PRPF40B: variants seen among roughly 807,000 people sequenced by gnomAD.
PRPF40B encodes pre-mRNA-processing factor 40 homolog B.
PRPF40B carries 56 observed loss-of-function variants against 124.5 expected under a neutral mutation model. The observed-to-expected ratio is 0.45, with a 90% CI of 0.36 to 0.56. The LOEUF (loss-of-function observed/expected upper bound fraction) is 0.56, where lower values mean the gene tolerates loss of function less well. PRPF40B is among the 20% of genes least tolerant of loss of function. The probability of loss-of-function intolerance (pLI) is 0.00; values close to 1 mark genes in which losing one functional copy is unlikely to be tolerated. For synonymous variants in PRPF40B, 443 were observed against 426.4 expected (o/e 1.04, Z -0.48); for missense variants, 1,053 against 1,169.5 (o/e 0.90, Z 1.45).
intron 23 of PRPF40B, 21 bp downstream of exon 23, chr12:49,643,418 T>C: frequency 6.5e-7 from 1 of 1,535,156 alleles, no homozygotes; most frequent in South Asian, 1.3e-5. Context: ...GCTGTGAGCG[T>C]AGAAGCTGGA....
rs772263201 is a variant in PRPF40B at position 49,631,550 on chromosome 12, T to C, written c.228+6T>C. On this transcript the variant is annotated splice_donor_region_variant and intron_variant, in intron 3 of 25. Transcript: ENST00000548825. The surrounding 1 kb of genome is among the most constrained non-coding windows in gnomAD (Gnocchi z 4.3). ...CGCCACCACCACTCACACAGGTAAT[T>C]GTCTCTCCTCCCCTGGGGCCTCAGA... 6.5e-7 allele frequency: 1 copy of C among 1,550,320 alleles called. No homozygotes were observed. The highest frequency in any genetic ancestry group is 8.7e-7 in the Non-Finnish European group (1 of 1,154,438).
At position 49,642,654 on chromosome 12, in the gene PRPF40B, G is replaced by A. The variant is rs771402780; in HGVS notation, c.2097G>A (p.Arg699=). 1 of 1,614,028 alleles carries A rather than the reference G, an allele frequency of 6.2e-7. No homozygotes were observed. The highest frequency in any genetic ancestry group is 8.5e-7 in the Non-Finnish European group (1 of 1,180,010). The part of the protein sequence containing the change: ...TLESERIRLF[R]EFLQVLETEC... ...AGTCGGAGCGGATCCGGCTCTTCCG[G>A]GAGTTCCTACAGGTGCTGGAGGTGA... Residue 699 remains arginine (R), a synonymous_variant, in exon 21 of 26, where the codon CGG becomes CGA. Transcript: ENST00000548825. This position sits in a 1 kb window ranked among gnomAD's most constrained non-coding sequence, Gnocchi z 5.8.
chr12:49,641,848 C>T, intron 18 of PRPF40B, 60 bp from the exon 19 acceptor site: 2 of 1,426,050 alleles, frequency 1.4e-6, no homozygotes, highest in Non-Finnish European at 2.0e-6. Flanking sequence ...GACCACTCTG[C>T]CTGCCAGCTT....
chr12:49,643,733 A>T lies in PRPF40B; in HGVS notation c.2423A>T (p.Lys808Met). Residue 808 changes from lysine (K) to methionine (M), a missense_variant, in exon 24 of 26, where the codon AAG becomes ATG. Around this residue, in one of 2 missense-constraint regions of PRPF40B, gnomAD observed 895 missense variants for 1,052.2 expected, o/e 0.85. Coordinates refer to ENST00000548825, the MANE Select transcript of PRPF40B (RefSeq NM_001031698.3). ...RKAKKPKKKT[K>M]KRRHKSNSPE... Reference sequence around the variant, plus strand: ...GCCAAGAAACCAAAAAAGAAAACTAAGAAGAGAAGACACAAGTCGGTGAGT... The same window carrying T: ...GCCAAGAAACCAAAAAAGAAAACTATGAAGAGAAGACACAAGTCGGTGAGT... 6.2e-7 allele frequency: 1 copy of T among 1,614,112 alleles called. No individual in the cohort carries two copies.
At position 49,642,563 on chromosome 12, in the gene PRPF40B, T is replaced by C; in HGVS notation, c.2023-17T>C. On this transcript the variant is annotated splice_polypyrimidine_tract_variant and intron_variant, in intron 20 of 25. Transcript: ENST00000548825. This position sits in a 1 kb window ranked among gnomAD's most constrained non-coding sequence, Gnocchi z 5.8. ...GAGTGGGGCCTAGTCTGATCAGCAG[T>C]GCTCTCCTCGTTCAAGGTCCGTGAG... The C allele has an allele frequency of 6.2e-7, 1 of 1,613,948 alleles. No homozygotes were observed. Among genetic ancestry groups the C allele is most frequent in the Non-Finnish European group, 8.5e-7 (1 of 1,179,800 alleles).
At chr12:49,623,783 G>T (rs1274735083) in intron 1 of PRPF40B, 190 bp downstream of exon 1, 1 of 1,198,472 alleles carries the variant, frequency 8.3e-7, no homozygotes, top group Non-Finnish European at 1.0e-6. Flanking sequence ...GCGAAGGGGC[G>T]GGGGAGGCCA....
chr12:49,641,846 T>C (rs1942702309), intron 18 of PRPF40B, 62 bp from the exon 19 acceptor site: 1 of 1,408,696 alleles, frequency 7.1e-7, no homozygotes, highest in African/African-American at 1.4e-5. Context: ...GTGACCACTC[T>C]GCCTGCCAGC....
rs1370925537 is a variant in PRPF40B, at chr12:49,642,206, A to C, written c.1885-29A>C. The C allele has an allele frequency of 3.7e-6, 6 of 1,614,024 alleles. No individual in the cohort carries two copies. The highest frequency in any genetic ancestry group is 5.1e-6 in the Non-Finnish European group (6 of 1,179,974). On this transcript the variant is annotated intron_variant, in intron 19 of 25. Transcript: ENST00000548825. The surrounding 1 kb of genome is among the most constrained non-coding windows in gnomAD (Gnocchi z 5.8). ...GACCTGGCATCCACCCTCCTGGGTG[A>C]CCCTGTTCCGTGTCCCTTCTTTCCT... is the stretch of plus-strand genomic sequence containing the variant.
At chr12:49,636,975 A>G (rs1007789153) in intron 16 of PRPF40B, 126 bp downstream of exon 16, 68 of 1,378,134 alleles carry the variant, frequency 4.9e-5, no homozygotes, top group Non-Finnish European at 6.2e-5. Flanking sequence ...TCCAAGCTCT[A>G]TGAGACCTCT....
In PRPF40B at chr12:49,635,537, G is replaced by T; in HGVS notation, c.1275+64G>T. On this transcript the variant is annotated intron_variant, in intron 14 of 25. Transcript: ENST00000548825. The surrounding 1 kb of genome is among the most constrained non-coding windows in gnomAD (Gnocchi z 4.1). Reference sequence around the variant, plus strand: ...CCTGGACTTTCCTTGTCTTTGCTTTGTTATGGACCCTCGCCATTTACTTCT... The same window carrying T: ...CCTGGACTTTCCTTGTCTTTGCTTTTTTATGGACCCTCGCCATTTACTTCT... The T allele has an allele frequency of 6.9e-7, 1 of 1,459,310 alleles. No individual in the cohort carries two copies. Among genetic ancestry groups the T allele is most frequent in the South Asian group, 1.3e-5 (1 of 78,534 alleles). 90.4% of individuals were successfully genotyped at this position (1,459,310 alleles called of 1,614,324 possible). A position where few individuals can be genotyped will look rare whatever the true frequency, so the allele number is the denominator to read the frequency against.
At chr12:49,623,697 G>C in intron 1 of PRPF40B, 104 bp downstream of exon 1, 1 of 1,181,714 alleles carries the variant, frequency 8.5e-7, no homozygotes. Context: ...GGGATAGCTG[G>C]GACCCCGGGG....
intron 22 of PRPF40B, 55 bp from the exon 23 acceptor site, chr12:49,643,168 G>T: frequency 6.2e-7 from 1 of 1,602,658 alleles, no homozygotes; most frequent in Non-Finnish European, 8.5e-7. Context: ...CCCAGACGAG[G>T]GCTTCTGGAG....
At chr12:49,636,371 A>G (rs919276021) in intron 15 of PRPF40B, 18 of 413,264 alleles carry the variant, frequency 4.4e-5, no homozygotes, top group Admixed American at 3.7e-4. Context: ...ATTACTGATG[A>G]TACTCAAATT....
At position 49,631,097 on chromosome 12, in the gene PRPF40B, T is replaced by G. The variant is rs1404877884; in HGVS notation, c.85-304T>G. On this transcript the variant is annotated intron_variant, in intron 2 of 25. Coordinates refer to ENST00000548825, the MANE Select transcript of PRPF40B (RefSeq NM_001031698.3). The surrounding 1 kb of genome is among the most constrained non-coding windows in gnomAD (Gnocchi z 4.3). ...CTGAGAGGCCTCTTTGGGGGAGAAT[T>G]GCTGAAGAGGTGGAGCCTTCCAGTC... is the stretch of plus-strand genomic sequence containing the variant. Among the ~76,000 whole-genome samples the G allele has an allele frequency of 6.6e-6, 1 of 152,160 alleles. No homozygotes were observed. Among genetic ancestry groups the G allele is most frequent in the Non-Finnish European group, 1.5e-5 (1 of 68,030 alleles).
rs1013236825 is a variant in PRPF40B, at chr12:49,643,218, C to T, written c.2206-5C>T. 1.9e-6 allele frequency: 3 copies of T among 1,613,914 alleles called. No individual in the cohort carries two copies. Among genetic ancestry groups the T allele is most frequent in the Admixed American group, 1.7e-5 (1 of 59,978 alleles). On this transcript the variant is annotated splice_polypyrimidine_tract_variant and splice_region_variant and intron_variant, in intron 22 of 25. Transcript: ENST00000548825. ...GCACTGACATGTATCTGCTGATCTG[C>T]CCAGGGCTCTGAGTCAGAAGAAGAG...
At position 49,637,467 on chromosome 12, in the gene PRPF40B, C is replaced by G; in HGVS notation, c.1561-3C>G. On this transcript the variant is annotated splice_polypyrimidine_tract_variant and splice_region_variant and intron_variant, in intron 16 of 25. Transcript: ENST00000548825. ...TCCCTATAACTGGCCTCTCCCTGCT[C>G]AGACCTTCCTGGACGAGCTGCATGA... 6.2e-7 allele frequency: 1 copy of G among 1,611,720 alleles called. No homozygotes were observed. The highest frequency in any genetic ancestry group is 8.5e-7 in the Non-Finnish European group (1 of 1,178,864).
chr12:49,631,519 T>G lies in PRPF40B; in HGVS notation c.203T>G (p.Met68Arg). The change falls in exon 3 of 26, where the codon ATG (methionine) becomes AGG (arginine). Residue 68 changes from methionine to arginine, a missense_variant. Met to Arg is a moderately conservative substitution (Grantham distance 91). Transcript: ENST00000548825. The surrounding 1 kb of genome is among the most constrained non-coding windows in gnomAD (Gnocchi z 4.3). Reference sequence around the variant, plus strand: ...ATCCTGCCCCCAATGCTTCCACCAATGGGGGCGCCACCACCACTCACACAG... The same window carrying G: ...ATCCTGCCCCCAATGCTTCCACCAAGGGGGGCGCCACCACCACTCACACAG... ...PGILPPMLPPMGAPPPLTQIP... is the reference protein window; with the variant it reads ...PGILPPMLPPRGAPPPLTQIP... 1 of 1,536,000 alleles carries G rather than the reference T, an allele frequency of 6.5e-7. No homozygotes were observed. Among genetic ancestry groups the G allele is most frequent in the Non-Finnish European group, 8.7e-7 (1 of 1,147,184 alleles).
rs751534789 is a variant in PRPF40B at position 49,633,920 on chromosome 12, C to T, written c.640C>T (p.Pro214Ser). 6.2e-7 allele frequency: 1 copy of T among 1,614,196 alleles called. No homozygotes were observed. The highest frequency in any genetic ancestry group is 8.5e-7 in the Non-Finnish European group (1 of 1,180,030). The change falls in exon 10 of 26, where the codon CCA becomes TCA. Residue 214 changes from proline (P) to serine (S), a missense_variant. Transcript: ENST00000548825. ...QQQQLPQTLQ[P>S]QPPQPQPDPP... ...GCAGCAGCTGCCACAGACACTTCAG[C>T]CACAGCCACCTCAGCCACAGCCTGA... is the stretch of plus-strand genomic sequence containing the variant.
At position 49,635,563 on chromosome 12, in the gene PRPF40B, C is replaced by T. The variant is rs1023336116; in HGVS notation, c.1275+90C>T. 9.5e-6 allele frequency: 12 copies of T among 1,269,310 alleles called. No individual in the cohort carries two copies. The highest frequency in any genetic ancestry group is 2.5e-4 in the Middle Eastern group (1 of 3,930). 78.6% of individuals were successfully genotyped at this position (1,269,310 alleles called of 1,614,324 possible). Reference sequence around the variant, plus strand: ...TTATGGACCCTCGCCATTTACTTCTCTACTTCCCCAGTGTCCCAGCTTCTG... The same window carrying T: ...TTATGGACCCTCGCCATTTACTTCTTTACTTCCCCAGTGTCCCAGCTTCTG... On this transcript the variant is annotated intron_variant, in intron 14 of 25. Transcript: ENST00000548825. The surrounding 1 kb of genome is among the most constrained non-coding windows in gnomAD (Gnocchi z 4.1).
Sources: allele counts gnomAD v4.1 joint callset (sites outside exome capture counted in the v4.1 genomes callset), GRCh38; gene constraint gnomAD v4.1.1; regional missense constraint gnomAD v4.1.1; non-coding constraint Gnocchi (gnomAD v3.1); transcripts MANE v1.5; gene names NCBI Gene and HGNC (gene_info 2026-07-23, HGNC 2026-07-21).